The following DACH1 variants were observed in gnomAD, a reference collection of about 807,000 sequenced individuals.
The protein encoded by DACH1 is dachshund homolog 1.
In DACH1, 12 loss-of-function variants were observed where a neutral mutation model predicts 54.2. The ratio of observed to expected loss-of-function variants is 0.22; its 90% CI spans 0.14 to 0.36. The LOEUF is 0.36. DACH1 is among the 10% of genes least tolerant of loss of function. The pLI, the probability that DACH1 is intolerant of heterozygous loss-of-function variation, is 1.00. For synonymous variants in DACH1, 386 were observed against 366.2 expected (o/e 1.05, Z -0.62); for missense variants, 805 against 929.8 (o/e 0.87, Z 1.75).
At chr13:71,637,917 A>G (rs1414732741) in intron 2 of DACH1, among the ~76,000 whole-genome samples, 2 of 152,168 alleles carry the variant, frequency 1.3e-5, no homozygotes, top group African/African-American at 4.8e-5. Flanking sequence ...TTGCTCATTA[A>G]CTTGAAAGGC....
intron 1 of DACH1, among the ~76,000 whole-genome samples, chr13:71,713,086 CTTCT>C (rs1234079453): frequency 1.4e-5 from 2 of 147,218 alleles, no homozygotes; most frequent in African/African-American, 2.6e-5. Context: ...TTCTTTTCTT[CTTCT>C]TTTTTTTTTT....
At chr13:71,573,361 T>C (rs951120294) in intron 3 of DACH1, 11 of 703,412 alleles carry the variant, frequency 1.6e-5, no homozygotes, top group Non-Finnish European at 2.9e-5. Context: ...TTTTGCCAAC[T>C]GATAAATACA....
chr13:71,571,861 G>T (rs1283384924), intron 4 of DACH1, among the ~76,000 whole-genome samples: 1 of 150,934 alleles, frequency 6.6e-6, no homozygotes, highest in Non-Finnish European at 1.5e-5. Context: ...TCAGGCTTCC[G>T]AGTAGCTGGG....
chr13:71,498,473 C>T (rs751359424), intron 6 of DACH1, among the ~76,000 whole-genome samples: 4 of 152,124 alleles, frequency 2.6e-5, no homozygotes, highest in Non-Finnish European at 4.4e-5. Context: ...CTATTGATTA[C>T]GAGGCAATTT....
intron 1 of DACH1, among the ~76,000 whole-genome samples, chr13:71,851,424 GC>G (rs1198440920): frequency 6.6e-6 from 1 of 151,820 alleles, no homozygotes; most frequent in Non-Finnish European, 1.5e-5. Context: ...TATTTATTAT[GC>G]CCCCTTCTTG....
At chr13:71,684,105 A>G (rs1031499215) in intron 1 of DACH1, among the ~76,000 whole-genome samples, 1 of 151,934 alleles carries the variant, frequency 6.6e-6, no homozygotes, top group Non-Finnish European at 1.5e-5. Context: ...TTTCTCTTCT[A>G]TATCCCCACT....
intron 1 of DACH1, among the ~76,000 whole-genome samples, chr13:71,766,708 C>A (rs1283574428): frequency 6.6e-6 from 1 of 151,894 alleles, no homozygotes; most frequent in Non-Finnish European, 1.5e-5. Flanking sequence ...AATGTAAGCA[C>A]TGAAAATTAA....
intron 10 of DACH1, among the ~76,000 whole-genome samples, chr13:71,441,940 T>C: frequency 6.6e-6 from 1 of 152,090 alleles, no homozygotes; most frequent in East Asian, 1.9e-4. Context: ...TATATTATAT[T>C]TATGGGATAC....
chr13:71,497,668 A>G (rs894789409), intron 6 of DACH1, among the ~76,000 whole-genome samples: 1 of 152,092 alleles, frequency 6.6e-6, no homozygotes, highest in African/African-American at 2.4e-5. Flanking sequence ...TCTCTCTGAT[A>G]AGGCTTTGAT....
At chr13:71,644,589 G>GA in intron 2 of DACH1, among the ~76,000 whole-genome samples, 1 of 152,294 alleles carries the variant, frequency 6.6e-6, no homozygotes, top group Admixed American at 6.5e-5. Flanking sequence ...AAGAAAAGGG[G>GA]AAAGAGAGCT....
intron 1 of DACH1, among the ~76,000 whole-genome samples, chr13:71,837,001 T>TACAC (rs563187803): frequency 4.0e-5 from 6 of 151,260 alleles, no homozygotes; most frequent in African/African-American, 7.3e-5. Context: ...CATCACTTTA[T>TACAC]ACACACACAC....
chr13:71,807,367 T>C (rs1411847238), intron 1 of DACH1, among the ~76,000 whole-genome samples: 1 of 145,314 alleles, frequency 6.9e-6, no homozygotes, highest in African/African-American at 2.6e-5. Flanking sequence ...TCATTCGCAC[T>C]TCCCTCGCCC....
At chr13:71,625,573 A>G (rs542993457) in intron 3 of DACH1, among the ~76,000 whole-genome samples, 1 of 152,104 alleles carries the variant, frequency 6.6e-6, no homozygotes, top group African/African-American at 2.4e-5. Context: ...GTTGAGGAAT[A>G]GAAGAACTAA....
chr13:71,742,970 G>T (rs1026713191), intron 1 of DACH1, among the ~76,000 whole-genome samples: 3 of 152,080 alleles, frequency 2.0e-5, no homozygotes, highest in Non-Finnish European at 4.4e-5. Context: ...CATAACATAT[G>T]TGAGGGTTAA....
intron 1 of DACH1, among the ~76,000 whole-genome samples, chr13:71,740,699 T>C (rs1438164077): frequency 6.6e-6 from 1 of 152,136 alleles, no homozygotes; most frequent in African/African-American, 2.4e-5. Context: ...GGTGTGGGTG[T>C]ATTTAATATC....
At chr13:71,726,225 T>C (rs897957833) in intron 1 of DACH1, among the ~76,000 whole-genome samples, 2 of 152,136 alleles carry the variant, frequency 1.3e-5, no homozygotes, top group Non-Finnish European at 2.9e-5. Context: ...CCTATAAGTT[T>C]GTTTCATTAA....
chr13:71,775,017 G>A (rs1215186259), intron 1 of DACH1, among the ~76,000 whole-genome samples: 2 of 150,462 alleles, frequency 1.3e-5, no homozygotes, highest in Non-Finnish European at 2.9e-5. Flanking sequence ...GGGCATAGTG[G>A]TTCATGCCTA....
chr13:71,789,504 A>C (rs553902864), intron 1 of DACH1, among the ~76,000 whole-genome samples: 11 of 152,228 alleles, frequency 7.2e-5, no homozygotes, highest in African/African-American at 2.6e-4. Context: ...ATATATAATA[A>C]ACATATCAAA....
At position 71,611,456 on chromosome 13, in the gene DACH1, T is replaced by A. The variant is rs1875321786; in HGVS notation, c.1126+19100A>T. 2.6e-5 allele frequency among the ~76,000 whole-genome samples: 4 copies of A among 152,200 alleles called. No homozygotes were observed. The South Asian group carries it at 8.3e-4, about 31-fold the overall frequency. ...TAAGGCTTTAGTATTAATAGCGGAATAGATCTTCAACAGGGATTCATGTAA... is the reference window on the plus strand; with the variant it reads ...TAAGGCTTTAGTATTAATAGCGGAAAAGATCTTCAACAGGGATTCATGTAA... On this transcript the variant is annotated intron_variant, in intron 3 of 10. Transcript: ENST00000613252.
Sources: allele counts gnomAD v4.1 joint callset (sites outside exome capture counted in the v4.1 genomes callset), GRCh38; gene constraint gnomAD v4.1.1; transcripts MANE v1.5; gene names NCBI Gene and HGNC (gene_info 2026-07-23, HGNC 2026-07-21).